The following SLC30A9 variants were observed in gnomAD, a reference collection of about 807,000 sequenced individuals.
SLC30A9 encodes proton-coupled zinc antiporter SLC30A9, mitochondrial.
SLC30A9 carries 58 observed loss-of-function variants against 87.5 expected under a neutral mutation model. The ratio of observed to expected loss-of-function variants is 0.66; its 90% CI spans 0.54 to 0.82. The LOEUF (loss-of-function observed/expected upper bound fraction) is 0.82. SLC30A9 is among the 40% of genes least tolerant of loss of function. The probability of loss-of-function intolerance (pLI) is 0.00; values close to 1 mark genes in which losing one functional copy is unlikely to be tolerated. For synonymous variants in SLC30A9, 234 were observed against 233.0 expected (o/e 1.00, Z -0.04); for missense variants, 557 against 679.1 (o/e 0.82, Z 2.00).
chr4:42,077,436 G>A (rs142717882), intron 16 of SLC30A9, among the ~76,000 whole-genome samples: 29 of 151,878 alleles, frequency 1.9e-4, no homozygotes, highest in African/African-American at 5.8e-4. Context: ...ACAGAGTCTC[G>A]CTCTGTCACC....
chr4:42,008,950 G>A (rs1045814153), intron 2 of SLC30A9, among the ~76,000 whole-genome samples: 1 of 152,204 alleles, frequency 6.6e-6, no homozygotes, highest in Non-Finnish European at 1.5e-5. Flanking sequence ...TGCAATGAAA[G>A]AATGCAGAGT....
chr4:42,056,589 G>A (rs1236203405), intron 9 of SLC30A9, among the ~76,000 whole-genome samples: 1 of 152,098 alleles, frequency 6.6e-6, no homozygotes, highest in Non-Finnish European at 1.5e-5. Context: ...TGAGATTTGG[G>A]TGGGGACACA....
intron 9 of SLC30A9, 109 bp from the exon 10 acceptor site, chr4:42,060,082 G>T: frequency 1.2e-6 from 1 of 805,050 alleles, no homozygotes. Context: ...ACATGCATAT[G>T]TTGAGTGTTT....
intron 7 of SLC30A9, 49 bp from the exon 8 acceptor site, chr4:42,038,937 T>G (rs770315315): frequency 2.2e-6 from 3 of 1,386,722 alleles, no homozygotes; most frequent in Non-Finnish European, 3.1e-6. Flanking sequence ...TTACAGTGCT[T>G]CTCTGCAAAA....
chr4:42,030,505 A>G (rs1716380220), intron 6 of SLC30A9, among the ~76,000 whole-genome samples: 1 of 150,630 alleles, frequency 6.6e-6, no homozygotes, highest in Admixed American at 6.6e-5. Flanking sequence ...GTGTTATCGT[A>G]TCTGTTTTGT....
intron 8 of SLC30A9, among the ~76,000 whole-genome samples, chr4:42,044,719 T>C (rs1717073088): frequency 6.6e-6 from 1 of 152,208 alleles, no homozygotes; most frequent in Non-Finnish European, 1.5e-5. Flanking sequence ...AGCAGACTAA[T>C]AGACATCTAC....
At chr4:42,078,452 T>C in intron 17 of SLC30A9, 127 bp downstream of exon 17, 1 of 522,926 alleles carries the variant, frequency 1.9e-6, no homozygotes, top group Non-Finnish European at 3.4e-6. Context: ...CCACAGTGTG[T>C]AGGTATTTAT....
chr4:42,020,818 G>A (rs1048684279), intron 4 of SLC30A9: 16 of 220,194 alleles, frequency 7.3e-5, no homozygotes, highest in Admixed American at 1.2e-4. Context: ...ATTGGTATGT[G>A]ACAGAATTCT....
At chr4:42,080,021 A>T (rs1164286055) in intron 17 of SLC30A9, among the ~76,000 whole-genome samples, 5 of 152,242 alleles carry the variant, frequency 3.3e-5, no homozygotes, top group Non-Finnish European at 1.5e-5. Context: ...TTAGTAGAAG[A>T]CAGCTACATT....
At chr4:42,035,187 A>C in intron 6 of SLC30A9, 88 bp from the exon 7 acceptor site, 1 of 1,338,200 alleles carries the variant, frequency 7.5e-7, no homozygotes, top group Non-Finnish European at 1.0e-6. Context: ...GCGCATATTT[A>C]ACATAGTCCT....
intron 2 of SLC30A9, among the ~76,000 whole-genome samples, chr4:42,004,639 A>G (rs867165874): frequency 7.1e-6 from 1 of 141,176 alleles, no homozygotes; most frequent in Admixed American, 7.3e-5. Flanking sequence ...TTAAATGATT[A>G]TATTTTCCTT....
intron 8 of SLC30A9, 57 bp from the exon 9 acceptor site, chr4:42,049,320 T>C: frequency 9.3e-7 from 1 of 1,080,298 alleles, no homozygotes. Context: ...TTGAGTATGC[T>C]TTTGGCTTAA....
intron 1 of SLC30A9, among the ~76,000 whole-genome samples, chr4:41,995,742 C>T (rs986761011): frequency 1.3e-5 from 2 of 152,194 alleles, no homozygotes; most frequent in African/African-American, 2.4e-5. Context: ...AAGGGTCTTG[C>T]TCTGTCACCC....
chr4:42,077,491 G>A (rs1466769368), intron 16 of SLC30A9, among the ~76,000 whole-genome samples: 5 of 151,882 alleles, frequency 3.3e-5, no homozygotes, highest in African/African-American at 1.2e-4. Flanking sequence ...TGCAACCTCC[G>A]CCCCCCAGGT....
At chr4:42,021,778 C>A (rs1461210529) in intron 4 of SLC30A9, among the ~76,000 whole-genome samples, 2 of 151,882 alleles carry the variant, frequency 1.3e-5, no homozygotes, top group African/African-American at 4.8e-5. Context: ...GAGACAGGGT[C>A]TCACTCTGCT....
At chr4:42,065,986 T>C (rs1718063349) in intron 12 of SLC30A9, among the ~76,000 whole-genome samples, 1 of 152,212 alleles carries the variant, frequency 6.6e-6, no homozygotes, top group South Asian at 2.1e-4. Flanking sequence ...GAATATTATT[T>C]ACTGGCTCTT....
At position 42,078,348 on chromosome 4, in the gene SLC30A9, A is replaced by T. The variant is rs375985309; in HGVS notation, c.1662+23A>T. The T allele has an allele frequency of 1.2e-5, 14 of 1,210,540 alleles. No homozygotes were observed. In the African/African-American group the frequency reaches 2.0e-4, roughly 17 times the overall value. The allele number at this position is 1,210,540 out of a possible 1,614,324, so 75.0% of individuals were successfully genotyped here. Reference sequence around the variant, plus strand: ...AAAGTAAGATGTATTCATAAAAATAACATAATGATAATGGCAGCTATTTTT... The same window carrying T: ...AAAGTAAGATGTATTCATAAAAATATCATAATGATAATGGCAGCTATTTTT... On this transcript the variant is annotated intron_variant, in intron 17 of 17. Transcript: ENST00000264451.
rs772621304 is a variant in SLC30A9, at chr4:42,070,628, G to A, written c.1355G>A (p.Arg452Gln). 7.4e-6 allele frequency: 12 copies of A among 1,613,728 alleles called. No individual in the cohort carries two copies. Among genetic ancestry groups the A allele is most frequent in the South Asian group, 2.2e-5 (2 of 91,058 alleles). Residue 452 changes from arginine (R) to glutamine (Q), a missense_variant, in exon 15 of 18, where the codon CGG becomes CAG. Transcript: ENST00000264451. ...IYTNTEALLGRSIQPEQVQRL... is the reference protein window; with the variant it reads ...IYTNTEALLGQSIQPEQVQRL... ...ACTAACACAGAAGCACTCTTAGGGCGGTCCATCCAGCCAGAACAAGTACAA... is the reference window on the plus strand; with the variant it reads ...ACTAACACAGAAGCACTCTTAGGGCAGTCCATCCAGCCAGAACAAGTACAA...
At chr4:42,067,249 T>TTA (rs1718116205) in intron 14 of SLC30A9, 57 bp downstream of exon 14, 1 of 1,073,048 alleles carries the variant, frequency 9.3e-7, no homozygotes, top group African/African-American at 1.6e-5. Context: ...AATTCTCTAA[T>TTA]ATGTGGGAAT....
Sources: allele counts gnomAD v4.1 joint callset (sites outside exome capture counted in the v4.1 genomes callset), GRCh38; gene constraint gnomAD v4.1.1; transcripts MANE v1.5; gene names NCBI Gene and HGNC (gene_info 2026-07-23, HGNC 2026-07-21).